TMEM164: variants seen among roughly 807,000 people sequenced by gnomAD.
TMEM164 encodes the protein RP13-360B22.2.
Under a neutral mutation model 18.8 loss-of-function variants are expected in TMEM164, and 4 were observed. That is an observed-to-expected ratio of 0.21 (90% CI 0.10 to 0.49). The LOEUF (loss-of-function observed/expected upper bound fraction) is 0.49. TMEM164 is among the 20% of genes least tolerant of loss of function. The pLI is 0.98. For missense variants in TMEM164, 108 were observed against 239.9 expected (o/e 0.45, Z 3.63); for synonymous variants, 86 against 101.7 (o/e 0.85, Z 0.93).
intron 2 of TMEM164, chrX:110,055,429 C>G: frequency 9.5e-6 from 2 of 211,541 alleles, no homozygotes; most frequent in South Asian, 6.0e-5. Context: ...ACCTACACAA[C>G]TGTACTCGGC....
chrX:110,169,709 G>A (rs754554871), intron 5 of TMEM164, among the ~76,000 whole-genome samples: 14 of 111,919 alleles, frequency 1.3e-4, no homozygotes, highest in East Asian at 2.8e-4. Flanking sequence ...CGCCAACATT[G>A]GAAAATCAGG....
intron 2 of TMEM164, among the ~76,000 whole-genome samples, chrX:110,043,197 A>C: frequency 8.8e-6 from 1 of 113,010 alleles, no homozygotes; most frequent in Non-Finnish European, 1.9e-5. Context: ...GAATAAAACT[A>C]ACACAGAGGC....
chrX:110,058,283 G>A (rs1238309669), intron 2 of TMEM164, among the ~76,000 whole-genome samples: 3 of 108,510 alleles, frequency 2.8e-5, no homozygotes, highest in African/African-American at 1.0e-4. Context: ...TTTCTCTTCT[G>A]ATGAGGTAAT....
chrX:110,104,000 A>G (rs1489630342), intron 3 of TMEM164, among the ~76,000 whole-genome samples: 1 of 111,830 alleles, frequency 8.9e-6, no homozygotes, highest in Non-Finnish European at 1.9e-5. Context: ...GGCAAGTCTT[A>G]TAGCCTAGAA....
At chrX:110,125,708 T>C (rs2066519509) in intron 4 of TMEM164, among the ~76,000 whole-genome samples, 1 of 112,497 alleles carries the variant, frequency 8.9e-6, no homozygotes, top group African/African-American at 3.2e-5. Flanking sequence ...CACTACATCG[T>C]GTTAGAAACA....
intron 4 of TMEM164, among the ~76,000 whole-genome samples, chrX:110,114,857 C>G (rs1179708161): frequency 8.9e-6 from 1 of 111,977 alleles, no homozygotes; most frequent in Admixed American, 9.5e-5. Context: ...GGCCTAAAGC[C>G]TCAAGTACAT....
At chrX:110,027,797 T>G (rs920794882) in intron 2 of TMEM164, among the ~76,000 whole-genome samples, 2 of 111,487 alleles carry the variant, frequency 1.8e-5, no homozygotes, top group African/African-American at 6.5e-5. Context: ...ATAAATAAAA[T>G]AAAATAAATC....
At chrX:110,111,249 A>G (rs756916403) in intron 4 of TMEM164, among the ~76,000 whole-genome samples, 5 of 112,608 alleles carry the variant, frequency 4.4e-5, no homozygotes, top group Non-Finnish European at 9.4e-5. Context: ...GGGTAATTCC[A>G]AAGAATGGTA....
intron 5 of TMEM164, among the ~76,000 whole-genome samples, chrX:110,159,113 C>T (rs758869676): frequency 1.8e-5 from 2 of 111,450 alleles, no homozygotes; most frequent in Non-Finnish European, 3.8e-5. Flanking sequence ...GTGGTTTGAG[C>T]AGTTTTTTAG....
downstream of TMEM164, among the ~76,000 whole-genome samples, chrX:110,182,046 A>G (rs772223393): frequency 1.8e-5 from 2 of 111,275 alleles, no homozygotes; most frequent in Admixed American, 1.9e-4. Context: ...TTTTAACATC[A>G]CTAAAATTGG....
At chrX:110,030,058 T>A (rs767796989) in intron 2 of TMEM164, among the ~76,000 whole-genome samples, 1 of 106,752 alleles carries the variant, frequency 9.4e-6, no homozygotes, top group South Asian at 4.4e-4. Flanking sequence ...GTAATCTGTC[T>A]CCCTGACCTG....
At chrX:110,017,865 G>A (rs952777238) in intron 2 of TMEM164, among the ~76,000 whole-genome samples, 2 of 109,211 alleles carry the variant, frequency 1.8e-5, no homozygotes, top group East Asian at 6.0e-4. Context: ...CACTGCGCCC[G>A]GCCTGCAGGC....
chrX:110,065,699 A>T (rs1218570869), intron 2 of TMEM164, among the ~76,000 whole-genome samples: 3 of 111,703 alleles, frequency 2.7e-5, no homozygotes, highest in Non-Finnish European at 5.6e-5. Flanking sequence ...AGAAATCAGA[A>T]TTTTTTTGGA....
chrX:110,063,824 C>T (rs765934323), intron 2 of TMEM164, among the ~76,000 whole-genome samples: 2 of 111,431 alleles, frequency 1.8e-5, no homozygotes. Flanking sequence ...AGATGTCTCA[C>T]ACTGTAGAGA....
At chrX:110,022,574 G>A (rs1486137704) in intron 2 of TMEM164, among the ~76,000 whole-genome samples, 1 of 111,508 alleles carries the variant, frequency 9.0e-6, no homozygotes, top group East Asian at 2.8e-4. Flanking sequence ...AAACCCAGCG[G>A]TGGTAAAATC....
At chrX:110,007,155 C>G (rs1261028022) in intron 2 of TMEM164, among the ~76,000 whole-genome samples, 2 of 112,528 alleles carry the variant, frequency 1.8e-5, no homozygotes, top group Admixed American at 1.9e-4. Context: ...GTTACACAGG[C>G]TCTCATCATA....
At chrX:110,182,568 T>A (rs1016974725), downstream of TMEM164, 3 of 111,921 alleles carry the variant, frequency 2.7e-5, no homozygotes, top group African/African-American at 9.8e-5. Flanking sequence ...CTCCTAGGGC[T>A]AGTCATTGCC....
At chrX:110,155,803 G>T (rs1392567270) in intron 5 of TMEM164, among the ~76,000 whole-genome samples, 1 of 112,294 alleles carries the variant, frequency 8.9e-6, no homozygotes, top group African/African-American at 3.2e-5. Context: ...AAACTTCTTT[G>T]CATAGCATTC....
At chrX:110,049,148 G>T (rs1935438325) in intron 2 of TMEM164, among the ~76,000 whole-genome samples, 1 of 111,808 alleles carries the variant, frequency 8.9e-6, no homozygotes, top group Non-Finnish European at 1.9e-5. Flanking sequence ...TAGATCATTT[G>T]ATTTGGGGCC....
Sources: allele counts gnomAD v4.1 joint callset (sites outside exome capture counted in the v4.1 genomes callset), GRCh38; gene constraint gnomAD v4.1.1; transcripts MANE v1.5; gene names NCBI Gene and HGNC (gene_info 2026-07-23, HGNC 2026-07-21).